TUSC3: variants seen among roughly 807,000 people sequenced by gnomAD.
The protein encoded by TUSC3 is tumor suppressor candidate 3, also known as dolichyl-diphosphooligosaccharide--protein glycosyltransferase subunit TUSC3.
In TUSC3, 45 loss-of-function variants were observed where a neutral mutation model predicts 44.8. The observed-to-expected ratio is 1.00, with a 90% CI of 0.79 to 1.29. The LOEUF is 1.29. TUSC3 is among the 50% of genes most tolerant of loss of function. The probability of loss-of-function intolerance (pLI) is 0.00; values close to 1 mark genes in which losing one functional copy is unlikely to be tolerated. For synonymous variants in TUSC3, 212 were observed against 152.9 expected, an observed-to-expected ratio of 1.39 and a Z score of -2.85; for missense variants, 519 against 437.9, an observed-to-expected ratio of 1.19 and a Z score of -1.65.
At chr8:15,712,452 A>G (rs929318847) in intron 6 of TUSC3, among the ~76,000 whole-genome samples, 1 of 152,040 alleles carries the variant, frequency 6.6e-6, no homozygotes, top group East Asian at 1.9e-4. Context: ...CATCGAGTTT[A>G]ACTTCAGTTT....
chr8:15,482,776 C>G (rs1053290202), intron 1 of TUSC3, among the ~76,000 whole-genome samples: 1 of 152,046 alleles, frequency 6.6e-6, no homozygotes. Context: ...TACAGAAATT[C>G]CTATGAATGG....
At chr8:15,688,668 A>C (rs1403440361) in intron 6 of TUSC3, among the ~76,000 whole-genome samples, 2 of 152,110 alleles carry the variant, frequency 1.3e-5, no homozygotes, top group Non-Finnish European at 2.9e-5. Context: ...AATAACGCAC[A>C]AAAGCACACG....
the TUSC3 span, among the ~76,000 whole-genome samples, chr8:15,843,621 T>TACACAC: frequency 1.4e-5 from 2 of 146,768 alleles, no homozygotes; most frequent in South Asian, 2.1e-4. Flanking sequence ...TATATATATA[T>TACACAC]ACACGCACAT....
intron 1 of TUSC3, among the ~76,000 whole-genome samples, chr8:15,581,638 GGGGT>G (rs1326451224): frequency 6.7e-5 from 10 of 149,808 alleles, no homozygotes; most frequent in South Asian, 2.1e-4. Context: ...TTGGGGGTCA[GGGGT>G]CAGGGACCCA....
intron 1 of TUSC3, among the ~76,000 whole-genome samples, chr8:15,463,508 A>T (rs1015299880): frequency 2.6e-5 from 4 of 152,082 alleles, no homozygotes; most frequent in African/African-American, 4.8e-5. Context: ...TTCTCATTTT[A>T]TGTGCTCTTA....
chr8:15,817,874 A>G, the TUSC3 span, among the ~76,000 whole-genome samples: 2 of 152,180 alleles, frequency 1.3e-5, no homozygotes, highest in African/African-American at 4.8e-5. Flanking sequence ...TTTGAGTGCT[A>G]AAGTGAATTG....
Position 15,439,039 on chromosome 8 carries a change from C to T in TUSC3, n.91+21734C>T, listed in dbSNP as rs560029120. 2.3e-4 allele frequency among the ~76,000 whole-genome samples: 35 copies of T among 152,168 alleles called. 1 individual carries two copies. The South Asian group carries it at 3.5e-3, about 15-fold the overall frequency. ...TGACCGGAAGGAGCAAGGATTGAAC[C>T]CAGAGAGAGAGGGCTATTTGACGGC... On this transcript the variant is annotated intron_variant and non_coding_transcript_variant, in intron 1 of 5. Coordinates refer to the TUSC3 transcript ENST00000503191.
chr8:15,785,043 T>A, the TUSC3 span, among the ~76,000 whole-genome samples: 1 of 152,010 alleles, frequency 6.6e-6, no homozygotes, highest in African/African-American at 2.4e-5. Context: ...ATTTTTCAAT[T>A]AAAAATGCAT....
intron 2 of TUSC3, among the ~76,000 whole-genome samples, chr8:15,519,876 A>C (rs975104896): frequency 1.3e-5 from 2 of 152,210 alleles, no homozygotes; most frequent in Admixed American, 1.3e-4. Context: ...TGATGTGTTC[A>C]TATGGAATAA....
Position 15,457,192 on chromosome 8 carries a change from A to G in TUSC3, n.92-26194A>G, listed in dbSNP as rs555603588. On this transcript the variant is annotated intron_variant and non_coding_transcript_variant, in intron 1 of 5. Transcript: ENST00000503191. Reference sequence around the variant, plus strand: ...TGAGGTGGGGGGAGGGGGGAGGGTTAGCATTAGGAGATACACCTAAAGTAA... The same window carrying G: ...TGAGGTGGGGGGAGGGGGGAGGGTTGGCATTAGGAGATACACCTAAAGTAA... Among the ~76,000 whole-genome samples the G allele has an allele frequency of 3.0e-4, 45 of 151,302 alleles. No individual in the cohort carries two copies. In the East Asian group the frequency reaches 8.3e-3, roughly 28 times the overall value.
chr8:15,456,344 C>A (rs1324911885), intron 1 of TUSC3, among the ~76,000 whole-genome samples: 3 of 151,988 alleles, frequency 2.0e-5, no homozygotes, highest in Non-Finnish European at 2.9e-5. Context: ...ACCAATTTGG[C>A]CTTTAGTTTC....
intron 7 of TUSC3, among the ~76,000 whole-genome samples, chr8:15,736,900 T>G (rs1335874576): frequency 4.6e-5 from 7 of 152,126 alleles, no homozygotes; most frequent in Non-Finnish European, 7.4e-5. Flanking sequence ...AGGATAAGCT[T>G]TAGTGTCAAC....
chr8:15,636,817 T>A (rs987998256), intron 2 of TUSC3, among the ~76,000 whole-genome samples: 4 of 152,196 alleles, frequency 2.6e-5, no homozygotes, highest in African/African-American at 9.7e-5. Flanking sequence ...GGCCTCCTTT[T>A]TGGGGTCAAG....
intron 2 of TUSC3, among the ~76,000 whole-genome samples, chr8:15,521,620 C>CA (rs1034159872): frequency 7.3e-5 from 11 of 149,766 alleles, no homozygotes; most frequent in African/African-American, 2.7e-4. Context: ...TTACCCCCCC[C>CA]AAAAAAAGGT....
rs578112926 is a variant in TUSC3, at chr8:15,456,503, T to C, written n.92-26883T>C. Among the ~76,000 whole-genome samples, 23 of 152,232 alleles carry C rather than the reference T, an allele frequency of 1.5e-4. 1 individual carries two copies. The highest frequency in any genetic ancestry group is 5.3e-4 in the African/African-American group (22 of 41,538). On this transcript the variant is annotated intron_variant and non_coding_transcript_variant, in intron 1 of 5. Transcript: ENST00000503191. ...AAGAGAGGAGGGCTTCCACGATCAG[T>C]GACTAGGAGCTGTTACGAAGTTAAA... is the stretch of plus-strand genomic sequence containing the variant.
chr8:15,498,908 T>C (rs1279968663), intron 2 of TUSC3, among the ~76,000 whole-genome samples: 2 of 152,216 alleles, frequency 1.3e-5, no homozygotes, highest in Non-Finnish European at 1.5e-5. Flanking sequence ...ATATTACTTA[T>C]AGTGTTCCTG....
intron 2 of TUSC3, among the ~76,000 whole-genome samples, chr8:15,522,427 T>A (rs1801310939): frequency 6.6e-6 from 1 of 152,134 alleles, no homozygotes; most frequent in Non-Finnish European, 1.5e-5. Context: ...GAGAAAGGGT[T>A]TCGCCATGTT....
intron 1 of TUSC3, among the ~76,000 whole-genome samples, chr8:15,423,006 A>G: frequency 6.6e-6 from 1 of 152,216 alleles, no homozygotes; most frequent in East Asian, 1.9e-4. Flanking sequence ...GCATGTTGTA[A>G]ATGATAAATA....
chr8:15,617,134 A>AT (rs1563135988), intron 1 of TUSC3, among the ~76,000 whole-genome samples: 2 of 107,922 alleles, frequency 1.9e-5, no homozygotes, highest in African/African-American at 9.6e-5. Context: ...GTGTGTGTGT[A>AT]TATATTTTTT....
Sources: gnomAD v4.1 joint callset for allele counts (sites outside exome capture counted in the v4.1 genomes callset) on GRCh38, gnomAD v4.1.1 for gene constraint, MANE v1.5 for transcripts, NCBI Gene and HGNC (gene_info 2026-07-23, HGNC 2026-07-21) for gene names.